The following POMGNT1 variants were observed in gnomAD, a reference collection of about 807,000 sequenced individuals.
The protein encoded by POMGNT1 is protein O-linked-mannose beta-1,2-N-acetylglucosaminyltransferase 1.
A neutral mutation model predicts 95.6 loss-of-function variants in POMGNT1; 67 were observed. That is an observed-to-expected ratio of 0.70 (90% CI 0.58 to 0.86). The LOEUF (loss-of-function observed/expected upper bound fraction) is 0.86, where lower values mean the gene tolerates loss of function less well. Among genes scored for constraint, POMGNT1 ranks in the 40% least tolerant of loss-of-function variants. The pLI is 0.00. For synonymous variants in POMGNT1, 298 were observed against 317.9 expected, an observed-to-expected ratio of 0.94 and a Z score of 0.66; for missense variants, 719 against 855.2, an observed-to-expected ratio of 0.84 and a Z score of 1.99.
Position 46,194,616 on chromosome 1 carries a change from C to T in POMGNT1, c.688G>A (p.Ala230Thr), listed in dbSNP as rs1316080822. Reference protein sequence around the residue: ...VFGEKHSKSPALSSWGDPVLL... With the variant: ...VFGEKHSKSPTLSSWGDPVLL... ...ACTGGGTCCCCCCAGGAAGAGAGGGCAGGTGATTTAGAATGTTTCTCCCCG... is the reference window on the plus strand; with the variant it reads ...ACTGGGTCCCCCCAGGAAGAGAGGGTAGGTGATTTAGAATGTTTCTCCCCG... The change falls in exon 8 of 22, where the codon GCC becomes ACC. Residue 230 changes from alanine (A) to threonine (T), a missense_variant. Physicochemically the swap from Ala to Thr is moderately conservative, Grantham distance 58. Transcript: ENST00000371984. The T allele has an allele frequency of 3.1e-6, 5 of 1,614,068 alleles. No individual in the cohort carries two copies. In the Admixed American group the frequency reaches 8.3e-5, roughly 27 times the overall value.
chr1:46,212,008 C>A (rs1471320683), intron 1 of POMGNT1, among the ~76,000 whole-genome samples: 1 of 152,080 alleles, frequency 6.6e-6, no homozygotes, highest in Non-Finnish European at 1.5e-5. Flanking sequence ...GTGATCTTCC[C>A]ACCTCGACCT....
intron 1 of POMGNT1, among the ~76,000 whole-genome samples, chr1:46,206,445 CAG>C (rs935441043): frequency 1.1e-4 from 17 of 152,220 alleles, no homozygotes; most frequent in African/African-American, 3.6e-4. Flanking sequence ...CAGCGCTGGG[CAG>C]AGAGTCTGGT....
chr1:46,219,855 C>T lies in POMGNT1; in HGVS notation c.-201G>A, dbSNP rs371796213. 1.6e-5 allele frequency: 26 copies of T among 1,613,924 alleles called. No homozygotes were observed. The highest frequency in any genetic ancestry group is 1.9e-5 in the Non-Finnish European group (23 of 1,179,950). ...TCAATATAGCCTGACAGGCGGGAGCCCAGGCCGCTCAAGGCGAGGCAGCTG... is the reference window on the plus strand; with the variant it reads ...TCAATATAGCCTGACAGGCGGGAGCTCAGGCCGCTCAAGGCGAGGCAGCTG... On this transcript the variant is annotated 5_prime_UTR_variant, in exon 1 of 23. Transcript: ENST00000371992.
chr1:46,205,061 C>T (rs575906762), intron 1 of POMGNT1, among the ~76,000 whole-genome samples: 5 of 152,162 alleles, frequency 3.3e-5, no homozygotes, highest in Non-Finnish European at 7.4e-5. Context: ...AGTTTGAGAC[C>T]AGCCTGGGCA....
chr1:46,189,853 C>A lies in POMGNT1; in HGVS notation c.1785+1G>T. ...CCAGGGTGGGCATGGTATTGGAGCA[C>A]CTTGGCAAGCTGGGTCCAGGTGGTG... On this transcript the variant is annotated splice_donor_variant, in intron 20 of 21. Coordinates refer to ENST00000371984, the MANE Select transcript of POMGNT1 (RefSeq NM_017739.4). LOFTEE classifies it high-confidence loss of function. The A allele has an allele frequency of 6.2e-7, 1 of 1,613,780 alleles. No homozygotes were observed. The highest frequency in any genetic ancestry group is 8.5e-7 in the Non-Finnish European group (1 of 1,179,990).
chr1:46,202,920 G>GGGGTGT (rs1658586504), upstream of POMGNT1, among the ~76,000 whole-genome samples: 2 of 64,514 alleles, frequency 3.1e-5, no homozygotes, highest in Non-Finnish European at 5.7e-5. Flanking sequence ...GGGGGGGGGT[G>GGGGTGT]GTGTGTGTGT....
rs1417668076 is a variant in POMGNT1 at position 46,196,954 on chromosome 1, C to T, written c.235+16G>A. 6.2e-7 allele frequency: 1 copy of T among 1,614,100 alleles called. No homozygotes were observed. The highest frequency in any genetic ancestry group is 8.5e-7 in the Non-Finnish European group (1 of 1,180,042). On this transcript the variant is annotated intron_variant, in intron 3 of 21. Coordinates refer to ENST00000371984, the MANE Select transcript of POMGNT1 (RefSeq NM_017739.4). The surrounding 1 kb of genome is among the most constrained non-coding windows in gnomAD (Gnocchi z 4.4). ...GAGATCCAAGGCCCCCTACCCCATC[C>T]TTAGCCTAGCCCTACCATAGTCTTG...
At chr1:46,189,651 C>A (rs1191541352) in intron 20 of POMGNT1, 84 bp from the exon 21 acceptor site, 2 of 1,557,326 alleles carry the variant, frequency 1.3e-6, no homozygotes, top group Admixed American at 3.9e-5. Context: ...CCAGCCCCCA[C>A]CCCTCCTCAG....
chr1:46,203,551 C>T (rs1347917785), intron 1 of POMGNT1: 3 of 1,566,326 alleles, frequency 1.9e-6, no homozygotes, highest in African/African-American at 1.4e-5. Flanking sequence ...ACCTCTGGCG[C>T]CCTGCTGCTC....
intron 1 of POMGNT1, among the ~76,000 whole-genome samples, chr1:46,208,514 A>G (rs566652246): frequency 2.6e-5 from 4 of 152,194 alleles, no homozygotes; most frequent in Admixed American, 1.3e-4. Flanking sequence ...TGGGGCTTGA[A>G]GAATGAATAA....
At chr1:46,215,078 T>G (rs1204590624) in intron 1 of POMGNT1, among the ~76,000 whole-genome samples, 1 of 151,658 alleles carries the variant, frequency 6.6e-6, no homozygotes, top group Non-Finnish European at 1.5e-5. Context: ...TACAAAAAAT[T>G]AGCCGGGTGT....
At position 46,192,166 on chromosome 1, in the gene POMGNT1, T is replaced by C. The variant is rs748001987; in HGVS notation, c.1471A>G (p.Ile491Val). 8.1e-6 allele frequency: 13 copies of C among 1,614,054 alleles called. No homozygotes were observed. The highest frequency in any genetic ancestry group is 1.3e-5 in the African/African-American group (1 of 74,924). Reference sequence around the variant, plus strand: ...TAGGATCGGGAAACGTCAGGGATGATGCACTCTCGGCCCCGGCGTTGTTCA... The same window carrying C: ...TAGGATCGGGAAACGTCAGGGATGACGCACTCTCGGCCCCGGCGTTGTTCA... The part of the protein sequence containing the change: ...MPEQRRGREC[I>V]IPDVSRSYHF... The change falls in exon 17 of 22, where the codon ATC (isoleucine) becomes GTC (valine). Residue 491 changes from isoleucine to valine, a missense_variant. Around this residue, in one of 5 missense-constraint regions of POMGNT1, gnomAD observed 118 missense variants for 153.6 expected, o/e 0.77. Transcript: ENST00000371984.
intron 1 of POMGNT1, among the ~76,000 whole-genome samples, chr1:46,208,772 C>T (rs528331358): frequency 2.6e-5 from 4 of 152,078 alleles, no homozygotes; most frequent in South Asian, 2.1e-4. Context: ...ACCCTGGAGG[C>T]GGAGGTTGCA....
chr1:46,206,053 G>A (rs1658705707), intron 1 of POMGNT1, among the ~76,000 whole-genome samples: 1 of 152,222 alleles, frequency 6.6e-6, no homozygotes. Flanking sequence ...AAGCCAGACT[G>A]GGATATGTGG....
chr1:46,196,082 A>G lies in POMGNT1; in HGVS notation c.355-5T>C. On this transcript the variant is annotated splice_polypyrimidine_tract_variant and splice_region_variant and intron_variant, in intron 4 of 21. Transcript: ENST00000371984. This position sits in a 1 kb window ranked among gnomAD's most constrained non-coding sequence, Gnocchi z 4.4. ...CCGGGCCTCATCCTCCAGCACCTAC[A>G]CAGTGGCAGAGACAAAGTCCAGCTT... 2 of 1,613,938 alleles carry G rather than the reference A, an allele frequency of 1.2e-6. No homozygotes were observed. Among genetic ancestry groups the G allele is most frequent in the Non-Finnish European group, 1.7e-6 (2 of 1,180,020 alleles).
upstream of POMGNT1, among the ~76,000 whole-genome samples, chr1:46,201,229 A>G (rs865916606): frequency 4.7e-5 from 7 of 150,132 alleles, no homozygotes; most frequent in Non-Finnish European, 1.0e-4. Context: ...TTATAAAGGT[A>G]GGCCAGGCAT....
At chr1:46,206,628 TC>T (rs930994138) in intron 1 of POMGNT1, among the ~76,000 whole-genome samples, 1 of 152,208 alleles carries the variant, frequency 6.6e-6, no homozygotes, top group Admixed American at 6.5e-5. Context: ...AACCTTGCTT[TC>T]TTCTATTCTG....
chr1:46,198,450 G>GC (rs1285295870), upstream of POMGNT1: 21 of 149,872 alleles, frequency 1.4e-4, no homozygotes, highest in South Asian at 2.0e-3. Flanking sequence ...GGCCTGGCCC[G>GC]CCCCCCCGCT....
upstream of POMGNT1, chr1:46,203,391 G>C: frequency 1.4e-6 from 2 of 1,432,952 alleles, no homozygotes; most frequent in Non-Finnish European, 1.8e-6. Flanking sequence ...GGTCCCCGGC[G>C]TCCGGTCGCC....
Sources: allele counts gnomAD v4.1 joint callset (sites outside exome capture counted in the v4.1 genomes callset), GRCh38; gene constraint gnomAD v4.1.1; regional missense constraint gnomAD v4.1.1; non-coding constraint Gnocchi (gnomAD v3.1); transcripts MANE v1.5; gene names NCBI Gene and HGNC (gene_info 2026-07-23, HGNC 2026-07-21).